Variants in WWOX observed in about 807,000 individuals in gnomAD.
The protein encoded by WWOX is WW domain containing oxidoreductase.
WWOX carries 69 observed loss-of-function variants against 46.2 expected under a neutral mutation model. The observed-to-expected ratio is 1.49, with a 90% CI of 1.23 to 1.82. WWOX has a LOEUF of 1.82. WWOX is among the 40% of genes most tolerant of loss of function. WWOX has a pLI of 0.00. For synonymous variants in WWOX, 359 were observed against 202.6 expected, an observed-to-expected ratio of 1.77 and a Z score of -6.56; for missense variants, 919 against 542.6, an observed-to-expected ratio of 1.69 and a Z score of -6.89.
intron 5 of WWOX, among the ~76,000 whole-genome samples, chr16:78,227,823 G>A (rs2037115815): frequency 6.6e-6 from 1 of 152,158 alleles, no homozygotes; most frequent in African/African-American, 2.4e-5. Flanking sequence ...GTTGCAGTGA[G>A]TCGAGTCGTG....
intron 8 of WWOX, chr16:78,897,728 C>G (rs967989943): frequency 2.6e-5 from 4 of 152,068 alleles, no homozygotes; most frequent in Admixed American, 6.6e-5. Context: ...TAGTGTTTAA[C>G]TTGTAAGAAT....
At chr16:78,989,644 C>G (rs2046845046) in intron 8 of WWOX, among the ~76,000 whole-genome samples, 1 of 152,052 alleles carries the variant, frequency 6.6e-6, no homozygotes, top group East Asian at 1.9e-4. Flanking sequence ...AATTGGGCAT[C>G]CAGTTGGGAC....
intron 8 of WWOX, among the ~76,000 whole-genome samples, chr16:79,103,103 G>A (rs368086377): frequency 2.6e-5 from 4 of 152,116 alleles, no homozygotes; most frequent in African/African-American, 9.7e-5. Context: ...ATTCACCTAA[G>A]TGGTTAAGTC....
At chr16:78,327,871 T>A (rs78751007) in intron 5 of WWOX, among the ~76,000 whole-genome samples, 33 of 31,356 alleles carry the variant, frequency 1.1e-3, no homozygotes, top group Non-Finnish European at 1.3e-3. Flanking sequence ...GAGTCCTGAT[T>A]TTTTTTTTTT....
intron 8 of WWOX, among the ~76,000 whole-genome samples, chr16:79,057,317 C>T (rs2048281289): frequency 6.6e-6 from 1 of 152,202 alleles, no homozygotes; most frequent in Non-Finnish European, 1.5e-5. Context: ...CAGTGGAAAT[C>T]AGTGGACTAG....
chr16:78,381,763 A>G (rs2081961529), intron 5 of WWOX, among the ~76,000 whole-genome samples: 1 of 152,148 alleles, frequency 6.6e-6, no homozygotes, highest in Non-Finnish European at 1.5e-5. Flanking sequence ...GGATGGATGG[A>G]TGAATGGATA....
chr16:78,953,795 A>G (rs930848069), intron 8 of WWOX, among the ~76,000 whole-genome samples: 8 of 152,066 alleles, frequency 5.3e-5, no homozygotes, highest in East Asian at 1.9e-4. Flanking sequence ...CTCAGATTCT[A>G]CCTACCCTGA....
chr16:78,955,266 C>T (rs1432752729), intron 8 of WWOX, among the ~76,000 whole-genome samples: 2 of 152,156 alleles, frequency 1.3e-5, no homozygotes, highest in Non-Finnish European at 2.9e-5. Flanking sequence ...GATGGACCTC[C>T]ACATGTCCCT....
Position 78,649,826 on chromosome 16 carries a change from T to C in WWOX, c.1056+217074T>C, listed in dbSNP as rs74901408. On this transcript the variant is annotated intron_variant, in intron 8 of 8. Transcript: ENST00000566780. ...CAAAGCCTTGATTTTGCAGGTCTGATTGATGGGCATACAGAGGAATTAAAT... is the reference window on the plus strand; with the variant it reads ...CAAAGCCTTGATTTTGCAGGTCTGACTGATGGGCATACAGAGGAATTAAAT... Among the ~76,000 whole-genome samples, 1,408 of 152,342 alleles carry C rather than the reference T, an allele frequency of 9.2e-3. 19 individuals carry two copies. Among genetic ancestry groups the C allele is most frequent in the African/African-American group, 0.032 (1,313 of 41,572 alleles).
In WWOX at chr16:78,988,562, G is replaced by A. The variant is rs943460168; in HGVS notation, c.1057-223046G>A. ...CCCTCTCCCCAGGAGAGGTCCCAGC[G>A]GAATAAACATCCCCGCCCCTTCAAC... On this transcript the variant is annotated intron_variant, in intron 8 of 8. Transcript: ENST00000566780. Among the ~76,000 whole-genome samples the A allele has an allele frequency of 2.6e-5, 4 of 151,910 alleles. No individual in the cohort carries two copies. The South Asian group carries it at 6.2e-4, about 24-fold the overall frequency.
intron 5 of WWOX, among the ~76,000 whole-genome samples, chr16:78,247,463 C>T (rs2037848693): frequency 6.6e-6 from 1 of 152,084 alleles, no homozygotes; most frequent in Non-Finnish European, 1.5e-5. Flanking sequence ...GGTAAGGATG[C>T]AGTCCTAATC....
intron 8 of WWOX, among the ~76,000 whole-genome samples, chr16:79,057,496 C>G (rs1360870401): frequency 6.6e-6 from 1 of 152,148 alleles, no homozygotes; most frequent in Non-Finnish European, 1.5e-5. Context: ...ATTATTATTT[C>G]TGTTATATTT....
At position 78,290,610 on chromosome 16, in the gene WWOX, C is replaced by T. The variant is rs117201271; in HGVS notation, c.517-96250C>T. Among the ~76,000 whole-genome samples the T allele has an allele frequency of 4.5e-3, 689 of 152,024 alleles. 3 individuals carry two copies. Among genetic ancestry groups the T allele is most frequent in the Non-Finnish European group, 7.6e-3 (515 of 68,006 alleles). The stretch of plus-strand genomic sequence containing the variant: ...AGTACTTTGAATTTTAAATTACACA[C>T]ATAATTCAAAGGTAATGTAACTTGC... On this transcript the variant is annotated intron_variant, in intron 5 of 8. Coordinates refer to ENST00000566780, the MANE Select transcript of WWOX (RefSeq NM_016373.4).
chr16:78,900,335 A>G (rs1485062626), intron 8 of WWOX, among the ~76,000 whole-genome samples: 1 of 152,076 alleles, frequency 6.6e-6, no homozygotes, highest in Non-Finnish European at 1.5e-5. Context: ...CTTAAGCCCA[A>G]ATGAGCTGTC....
At chr16:78,798,238 G>C (rs2050794964) in intron 8 of WWOX, among the ~76,000 whole-genome samples, 1 of 152,034 alleles carries the variant, frequency 6.6e-6, no homozygotes, top group South Asian at 2.1e-4. Flanking sequence ...CCAAACTGAA[G>C]TTATGCTTTG....
intron 8 of WWOX, among the ~76,000 whole-genome samples, chr16:78,524,651 C>T (rs935678064): frequency 2.1e-4 from 32 of 151,920 alleles, no homozygotes; most frequent in Middle Eastern, 3.4e-3. Flanking sequence ...AAACTCCTGA[C>T]CTCGTGATCC....
At chr16:79,052,472 C>G (rs1426710317) in intron 8 of WWOX, among the ~76,000 whole-genome samples, 1 of 152,214 alleles carries the variant, frequency 6.6e-6, no homozygotes, top group African/African-American at 2.4e-5. Flanking sequence ...GCTATAAAGA[C>G]ACATGCACAC....
chr16:79,212,131 C>T lies in WWOX; in HGVS notation c.*335C>T, dbSNP rs1175247901. 4.6e-6 allele frequency: 7 copies of T among 1,529,260 alleles called. No homozygotes were observed. Among genetic ancestry groups the T allele is most frequent in the South Asian group, 1.2e-5 (1 of 83,282 alleles). 94.7% of individuals were successfully genotyped at this position (1,529,260 alleles called of 1,614,324 possible). Reference sequence around the variant, plus strand: ...CTTTCTTTTACTGTTATAGAATAGCCTGAGGTCCCCTCGTCCCATCCAGCT... The same window carrying T: ...CTTTCTTTTACTGTTATAGAATAGCTTGAGGTCCCCTCGTCCCATCCAGCT... On this transcript the variant is annotated 3_prime_UTR_variant, in exon 9 of 9. Coordinates refer to ENST00000566780, the MANE Select transcript of WWOX (RefSeq NM_016373.4).
chr16:79,174,330 C>G (rs753710946), intron 8 of WWOX, among the ~76,000 whole-genome samples: 1 of 152,180 alleles, frequency 6.6e-6, no homozygotes, highest in Non-Finnish European at 1.5e-5. Context: ...CTTGGCCAGA[C>G]AAGTTACAGC....
Sources: allele counts gnomAD v4.1 joint callset (sites outside exome capture counted in the v4.1 genomes callset), GRCh38; gene constraint gnomAD v4.1.1; transcripts MANE v1.5; gene names NCBI Gene and HGNC (gene_info 2026-07-23, HGNC 2026-07-21).